CTNNA3: variants seen among roughly 807,000 people sequenced by gnomAD.
CTNNA3 encodes the protein catenin alpha 3, also known as catenin alpha-3.
In CTNNA3, 76 loss-of-function variants were observed where a neutral mutation model predicts 95.7. The observed-to-expected ratio is 0.79, with a 90% CI of 0.66 to 0.96. The LOEUF (loss-of-function observed/expected upper bound fraction) is 0.96. CTNNA3 is among the 40% of genes least tolerant of loss of function. The pLI is 0.00. For synonymous variants in CTNNA3, 431 were observed against 374.4 expected (o/e 1.15, Z -1.74); for missense variants, 1,191 against 1,089.8 (o/e 1.09, Z -1.31).
At chr10:66,356,527 C>CT (rs2092611997) in intron 12 of CTNNA3, among the ~76,000 whole-genome samples, 1 of 151,676 alleles carries the variant, frequency 6.6e-6, no homozygotes, top group South Asian at 2.1e-4. Flanking sequence ...TATAATAGAT[C>CT]TTTGGAATTC....
rs1554843627 is a variant in CTNNA3 at position 67,489,788 on chromosome 10, T to TTTTA, written c.579+32053_579+32054insTAAA. 7.0e-5 allele frequency among the ~76,000 whole-genome samples: 10 copies of TTTTA among 142,456 alleles called. No individual in the cohort carries two copies. In the South Asian group the frequency reaches 1.9e-3, roughly 28 times the overall value. 93.5% of individuals were successfully genotyped at this position (142,456 alleles called of 152,430 possible). A position where few individuals can be genotyped will look rare whatever the true frequency, so the allele number is the denominator to read the frequency against. ...TTAAGTATATTTATAATACATGATT[T>TTTTA]TATATATATATATATATACACACAT... On this transcript the variant is annotated intron_variant, in intron 5 of 17. Coordinates refer to ENST00000433211, the MANE Select transcript of CTNNA3 (RefSeq NM_013266.4).
Position 65,919,512 on chromosome 10 carries a change from G to A in CTNNA3, c.*818C>T, listed in dbSNP as rs1424740872. ...GTTATTATTAATATAACTCACTTTG[G>A]GATATAGTTTGTTGTCTCATTTTCC... On this transcript the variant is annotated 3_prime_UTR_variant, in exon 18 of 18. Coordinates refer to ENST00000433211, the MANE Select transcript of CTNNA3 (RefSeq NM_013266.4). The A allele has an allele frequency of 1.3e-5, 2 of 152,010 alleles. No individual in the cohort carries two copies. Among genetic ancestry groups the A allele is most frequent in the African/African-American group, 2.4e-5 (1 of 41,370 alleles). The allele number at this position is 152,010 out of a possible 1,614,324, so 9.4% of individuals were successfully genotyped here.
At chr10:67,763,326 C>T (rs1393970065) in intron 1 of CTNNA3, among the ~76,000 whole-genome samples, 1 of 151,552 alleles carries the variant, frequency 6.6e-6, no homozygotes, top group Non-Finnish European at 1.5e-5. Context: ...TTTATCCTTA[C>T]AAGTCTCAAA....
intron 9 of CTNNA3, among the ~76,000 whole-genome samples, chr10:66,685,313 G>GTA (rs1564617351): frequency 9.8e-5 from 3 of 30,546 alleles, no homozygotes; most frequent in African/African-American, 6.7e-4. Flanking sequence ...ATATATGTGT[G>GTA]TGTGTATGTG....
chr10:66,047,208 A>C (rs2079846721), intron 15 of CTNNA3, among the ~76,000 whole-genome samples: 1 of 152,202 alleles, frequency 6.6e-6, no homozygotes, highest in South Asian at 2.1e-4. Context: ...GTCCTTGATG[A>C]ACATTGATGA....
intron 7 of CTNNA3, among the ~76,000 whole-genome samples, chr10:66,974,799 C>A (rs1235560346): frequency 6.6e-6 from 1 of 150,992 alleles, no homozygotes; most frequent in Non-Finnish European, 1.5e-5. Flanking sequence ...GCTTACCAAC[C>A]ATTTGTTTTT....
chr10:66,286,830 G>A (rs993827208), intron 12 of CTNNA3, among the ~76,000 whole-genome samples: 2 of 151,936 alleles, frequency 1.3e-5, no homozygotes, highest in Admixed American at 6.6e-5. Flanking sequence ...CTATAATTAT[G>A]TGTCAGAGTA....
chr10:67,071,760 A>G (rs146761489), intron 7 of CTNNA3, among the ~76,000 whole-genome samples: 1 of 152,314 alleles, frequency 6.6e-6, no homozygotes, highest in East Asian at 1.9e-4. Context: ...TAAAAAAATT[A>G]GCATAACACA....
At chr10:65,954,879 G>C (rs2133220175) in intron 17 of CTNNA3, among the ~76,000 whole-genome samples, 1 of 152,214 alleles carries the variant, frequency 6.6e-6, no homozygotes, top group South Asian at 2.1e-4. Flanking sequence ...GCTCTTTTTT[G>C]ATTCCATATG....
At chr10:67,215,282 G>A (rs1864307148) in intron 6 of CTNNA3, among the ~76,000 whole-genome samples, 1 of 151,708 alleles carries the variant, frequency 6.6e-6, no homozygotes, top group Non-Finnish European at 1.5e-5. Context: ...ATATTCATTA[G>A]GGAATAATGT....
At chr10:66,197,810 C>A (rs1564753423) in intron 13 of CTNNA3, among the ~76,000 whole-genome samples, 1 of 152,130 alleles carries the variant, frequency 6.6e-6, no homozygotes, top group East Asian at 1.9e-4. Context: ...CTAAGACAAA[C>A]ACCAGCTTCA....
intron 1 of CTNNA3, among the ~76,000 whole-genome samples, chr10:67,748,812 T>C (rs183480461): frequency 6.6e-6 from 1 of 152,258 alleles, no homozygotes; most frequent in Admixed American, 6.5e-5. Flanking sequence ...GACTGGCAAA[T>C]TGAATAGAGT....
intron 13 of CTNNA3, among the ~76,000 whole-genome samples, chr10:66,110,351 G>A (rs1333128766): frequency 1.5e-5 from 2 of 133,464 alleles, no homozygotes; most frequent in African/African-American, 5.9e-5. Flanking sequence ...GACAGAATGA[G>A]ACTCTGTCTA....
chr10:66,139,634 T>C (rs1175242366), intron 13 of CTNNA3, among the ~76,000 whole-genome samples: 2 of 152,172 alleles, frequency 1.3e-5, no homozygotes, highest in African/African-American at 4.8e-5. Flanking sequence ...TATGTATTTT[T>C]ATAAAAATAT....
chr10:66,721,686 A>G (rs1346646807), intron 9 of CTNNA3, among the ~76,000 whole-genome samples: 1 of 152,190 alleles, frequency 6.6e-6, no homozygotes, highest in Non-Finnish European at 1.5e-5. Context: ...CTGCTGGGGA[A>G]TGTTTGGGAG....
intron 13 of CTNNA3, among the ~76,000 whole-genome samples, chr10:66,209,046 C>T (rs920334213): frequency 6.6e-6 from 1 of 152,030 alleles, no homozygotes; most frequent in African/African-American, 2.4e-5. Context: ...TATGCAAATG[C>T]ATATTTTTTA....
chr10:66,779,175 A>G (rs1219238984), intron 7 of CTNNA3, among the ~76,000 whole-genome samples: 4 of 152,116 alleles, frequency 2.6e-5, no homozygotes, highest in Non-Finnish European at 5.9e-5. Flanking sequence ...TCAAAGCCTC[A>G]TATAATCTAC....
At chr10:66,791,601 A>C (rs997106967) in intron 7 of CTNNA3, among the ~76,000 whole-genome samples, 10 of 152,178 alleles carry the variant, frequency 6.6e-5, no homozygotes, top group Non-Finnish European at 1.0e-4. Context: ...TGATTAATGC[A>C]TCTCTCCCCC....
At chr10:67,259,963 C>T (rs1488077242) in intron 5 of CTNNA3, among the ~76,000 whole-genome samples, 3 of 152,158 alleles carry the variant, frequency 2.0e-5, no homozygotes, top group African/African-American at 7.2e-5. Context: ...ACCATATATA[C>T]TATATGTTAG....
Sources: gnomAD v4.1 joint callset for allele counts (sites outside exome capture counted in the v4.1 genomes callset) on GRCh38, gnomAD v4.1.1 for gene constraint, MANE v1.5 for transcripts, NCBI Gene and HGNC (gene_info 2026-07-23, HGNC 2026-07-21) for gene names.